The following JAKMIP1 variants were observed in gnomAD, a reference collection of about 807,000 sequenced individuals.
JAKMIP1 encodes the protein janus kinase and microtubule interacting protein 1.
In JAKMIP1, 33 loss-of-function variants were observed where a neutral mutation model predicts 113.0. The ratio of observed to expected loss-of-function variants is 0.29; its 90% CI spans 0.22 to 0.39. JAKMIP1 has a LOEUF of 0.39. JAKMIP1 is among the 10% of genes least tolerant of loss of function. The pLI is 1.00. For missense variants in JAKMIP1, 813 were observed against 1,080.5 expected, an observed-to-expected ratio of 0.75 and a Z score of 3.47; for synonymous variants, 480 against 459.9, an observed-to-expected ratio of 1.04 and a Z score of -0.56.
intron 1 of JAKMIP1, among the ~76,000 whole-genome samples, chr4:6,123,971 C>A (rs1191138239): frequency 6.6e-6 from 1 of 152,212 alleles, no homozygotes; most frequent in African/African-American, 2.4e-5. Context: ...TTAAATGAAA[C>A]TTCCATGAGG....
At chr4:6,124,996 G>C (rs1205753841) in intron 1 of JAKMIP1, among the ~76,000 whole-genome samples, 2 of 152,184 alleles carry the variant, frequency 1.3e-5, no homozygotes, top group African/African-American at 4.8e-5. Flanking sequence ...TAACAGGTCA[G>C]GGGCTGTAGG....
chr4:6,164,155 AAGG>A (rs1723292294), intron 1 of JAKMIP1, among the ~76,000 whole-genome samples: 1 of 152,226 alleles, frequency 6.6e-6, no homozygotes. Flanking sequence ...CTGAGTTAAA[AAGG>A]AGAAGTCGAT....
At chr4:6,063,944 C>T (rs778545033) in intron 9 of JAKMIP1, among the ~76,000 whole-genome samples, 9 of 152,210 alleles carry the variant, frequency 5.9e-5, no homozygotes, top group Admixed American at 1.3e-4. Context: ...TGCTCCCTCG[C>T]GAGGTAGCGC....
At chr4:6,117,201 G>T (rs896379567) in intron 1 of JAKMIP1, among the ~76,000 whole-genome samples, 1 of 152,162 alleles carries the variant, frequency 6.6e-6, no homozygotes, top group Admixed American at 6.5e-5. Context: ...AGTGCAGATG[G>T]TAATTATCGG....
At chr4:6,131,695 A>T (rs1429928256) in intron 1 of JAKMIP1, among the ~76,000 whole-genome samples, 1 of 152,204 alleles carries the variant, frequency 6.6e-6, no homozygotes, top group Non-Finnish European at 1.5e-5. Context: ...GTGCCACTGC[A>T]CTCCAGCCTG....
In JAKMIP1 at chr4:6,042,723, G is replaced by T. The variant is rs979060751; in HGVS notation, c.2029-496C>A. Among the ~76,000 whole-genome samples, 2 of 152,098 alleles carry T rather than the reference G, an allele frequency of 1.3e-5. No individual in the cohort carries two copies. The highest frequency in any genetic ancestry group is 1.3e-4 in the Admixed American group (2 of 15,278). ...AGAATGGAGATTTGGAACCCAGCCT[G>T]CAGGATGCCAAAGCCACTGCCCTCA... On this transcript the variant is annotated intron_variant, in intron 16 of 20. Transcript: ENST00000409021. The surrounding 1 kb of genome is among the most constrained non-coding windows in gnomAD (Gnocchi z 5.2).
chr4:6,032,021 C>T (rs540295760), intron 19 of JAKMIP1, among the ~76,000 whole-genome samples: 12 of 152,260 alleles, frequency 7.9e-5, no homozygotes, highest in Admixed American at 3.9e-4. Context: ...ACATGCAGGG[C>T]GGCCGAGTGC....
intron 9 of JAKMIP1, 71 bp from the exon 10 acceptor site, chr4:6,062,511 TTAA>T: frequency 6.7e-7 from 1 of 1,502,104 alleles, no homozygotes. Context: ...ATGATTGATT[TTAA>T]TAATAAACAT....
chr4:6,170,791 CACT>C (rs1230385632), intron 1 of JAKMIP1, among the ~76,000 whole-genome samples: 10 of 84,702 alleles, frequency 1.2e-4, no homozygotes, highest in African/African-American at 2.8e-4. Flanking sequence ...TCACCACCAC[CACT>C]ACACTTCCAT....
At chr4:6,078,714 CA>C (rs1197798058) in intron 8 of JAKMIP1, among the ~76,000 whole-genome samples, 1 of 152,112 alleles carries the variant, frequency 6.6e-6, no homozygotes, top group African/African-American at 2.4e-5. Context: ...GAGAATACAT[CA>C]GGAAGTTTTC....
At position 6,065,820 on chromosome 4, in the gene JAKMIP1, A is replaced by G. The variant is rs986362423; in HGVS notation, c.1303-812T>C. Among the ~76,000 whole-genome samples the G allele has an allele frequency of 1.3e-5, 2 of 152,284 alleles. No individual in the cohort carries two copies. Among genetic ancestry groups the G allele is most frequent in the African/African-American group, 4.8e-5 (2 of 41,550 alleles). Reference sequence around the variant, plus strand: ...TCTGTCTATCAATTCATTCACTCAGAAAACACTGGCAAAGCTCCTTCTATG... The same window carrying G: ...TCTGTCTATCAATTCATTCACTCAGGAAACACTGGCAAAGCTCCTTCTATG... On this transcript the variant is annotated intron_variant, in intron 8 of 20. Coordinates refer to ENST00000409021, the MANE Select transcript of JAKMIP1 (RefSeq NM_001099433.2). This position sits in a 1 kb window ranked among gnomAD's most constrained non-coding sequence, Gnocchi z 5.1.
Position 6,081,890 on chromosome 4 carries a change from G to T in JAKMIP1, c.955-135C>A. ...AGTGTCCTGGATGACACATTTGTTT[G>T]CTAGTTGCATGACAATGGGCAAGTT... On this transcript the variant is annotated intron_variant, in intron 5 of 20. Transcript: ENST00000409021. The surrounding 1 kb of genome is among the most constrained non-coding windows in gnomAD (Gnocchi z 4.6). The T allele has an allele frequency of 1.0e-6, 1 of 963,436 alleles. No homozygotes were observed. The highest frequency in any genetic ancestry group is 1.5e-6 in the Non-Finnish European group (1 of 651,720). 59.7% of individuals were successfully genotyped at this position (963,436 alleles called of 1,614,324 possible).
At chr4:6,098,152 C>T (rs913773395) in intron 3 of JAKMIP1, among the ~76,000 whole-genome samples, 1 of 152,176 alleles carries the variant, frequency 6.6e-6, no homozygotes, top group Non-Finnish European at 1.5e-5. Context: ...CATTCCTCGT[C>T]GCGTGCGGTG....
chr4:6,131,877 G>C (rs1718558429), intron 1 of JAKMIP1, among the ~76,000 whole-genome samples: 1 of 152,216 alleles, frequency 6.6e-6, no homozygotes, highest in Admixed American at 6.5e-5. Context: ...AAAAATGAAG[G>C]AGAAAGTCTT....
At chr4:6,117,995 A>G (rs1262490895) in intron 1 of JAKMIP1, among the ~76,000 whole-genome samples, 3 of 152,212 alleles carry the variant, frequency 2.0e-5, no homozygotes, top group African/African-American at 7.2e-5. Flanking sequence ...AGTTAACGCA[A>G]TTATTACAGG....
intron 20 of JAKMIP1, among the ~76,000 whole-genome samples, chr4:6,026,860 C>A (rs1444154775): frequency 8.9e-6 from 1 of 111,872 alleles, no homozygotes; most frequent in African/African-American, 3.7e-5. Flanking sequence ...TATGGAATTT[C>A]TTTGCATTTT....
chr4:6,111,675 A>G (rs947755777), intron 2 of JAKMIP1, among the ~76,000 whole-genome samples: 3 of 152,234 alleles, frequency 2.0e-5, no homozygotes, highest in Admixed American at 6.5e-5. Flanking sequence ...GTCTGCCTAG[A>G]AAGCCTGTGC....
At position 6,193,771 on chromosome 4, in the gene JAKMIP1, G is replaced by A. The variant is rs1727537465; in HGVS notation, c.-148+6482C>T. On this transcript the variant is annotated intron_variant, in intron 1 of 20. Transcript: ENST00000409021. The surrounding 1 kb of genome is among the most constrained non-coding windows in gnomAD (Gnocchi z 6.4). Reference sequence around the variant, plus strand: ...CATGGGAGGCTGAACTGATGCATTAGTGAGCAGGGGAGGAGAGGGTGGAAG... The same window carrying A: ...CATGGGAGGCTGAACTGATGCATTAATGAGCAGGGGAGGAGAGGGTGGAAG... Among the ~76,000 whole-genome samples the A allele has an allele frequency of 6.6e-6, 1 of 152,212 alleles. No individual in the cohort carries two copies. The highest frequency in any genetic ancestry group is 6.5e-5 in the Admixed American group (1 of 15,282).
At chr4:6,133,543 T>A (rs1165190200) in intron 1 of JAKMIP1, among the ~76,000 whole-genome samples, 1 of 152,186 alleles carries the variant, frequency 6.6e-6, no homozygotes, top group Non-Finnish European at 1.5e-5. Context: ...GCAACTCTGT[T>A]CCTTCTGTGG....
Sources: allele counts gnomAD v4.1 joint callset (sites outside exome capture counted in the v4.1 genomes callset), GRCh38; gene constraint gnomAD v4.1.1; non-coding constraint Gnocchi (gnomAD v3.1); transcripts MANE v1.5; gene names NCBI Gene and HGNC (gene_info 2026-07-23, HGNC 2026-07-21).